GABRB1: variants seen among roughly 807,000 people sequenced by gnomAD.
GABRB1 encodes gamma-aminobutyric acid receptor subunit beta-1.
In GABRB1, 17 loss-of-function variants were observed where a neutral mutation model predicts 51.6. The ratio of observed to expected loss-of-function variants is 0.33; its 90% CI spans 0.23 to 0.49. GABRB1 has a LOEUF of 0.49. Among genes scored for constraint, GABRB1 ranks in the 20% least tolerant of loss-of-function variants. The pLI is 0.99. For missense variants in GABRB1, 410 were observed against 600.6 expected, an observed-to-expected ratio of 0.68 and a Z score of 3.32; for synonymous variants, 247 against 218.9, an observed-to-expected ratio of 1.13 and a Z score of -1.14.
chr4:47,140,093 AAC>A (rs67749563), intron 3 of GABRB1, among the ~76,000 whole-genome samples: 25,230 of 134,888 alleles, frequency 0.19, 2,339 homozygotes, highest in East Asian at 0.26. Context: ...AAATTAAATT[AAC>A]ACACACACAC....
At chr4:47,388,608 G>A (rs1171409681) in intron 5 of GABRB1, among the ~76,000 whole-genome samples, 2 of 152,158 alleles carry the variant, frequency 1.3e-5, no homozygotes, top group Non-Finnish European at 1.5e-5. Context: ...TCCATAACAA[G>A]GGCAGAATTA....
intron 4 of GABRB1, among the ~76,000 whole-genome samples, chr4:47,303,901 A>C (rs888923600): frequency 3.9e-5 from 6 of 152,058 alleles, no homozygotes; most frequent in Non-Finnish European, 8.8e-5. Context: ...CATATGAGTG[A>C]AATCATGTGG....
intron 5 of GABRB1, among the ~76,000 whole-genome samples, chr4:47,392,934 A>G (rs1231887172): frequency 6.6e-6 from 1 of 152,230 alleles, no homozygotes; most frequent in African/African-American, 2.4e-5. Context: ...TTTAGTATGT[A>G]TGCTAACCTC....
Position 47,243,345 on chromosome 4 carries a change from T to G in GABRB1, c.462-76782T>G, listed in dbSNP as rs563393973. Among the ~76,000 whole-genome samples the G allele has an allele frequency of 4.0e-4, 61 of 152,242 alleles. No individual in the cohort carries two copies. The South Asian group carries it at 8.1e-3, about 20-fold the overall frequency. On this transcript the variant is annotated intron_variant, in intron 4 of 8. Coordinates refer to ENST00000295454, the MANE Select transcript of GABRB1 (RefSeq NM_000812.4). ...TGATGCCTCCAGCTTTGTTCTTTTG[T>G]CTTAGGATTGACTTGGTGATGCGGG...
chr4:47,204,628 G>T (rs1720043670), intron 4 of GABRB1, among the ~76,000 whole-genome samples: 1 of 152,076 alleles, frequency 6.6e-6, no homozygotes, highest in African/African-American at 2.4e-5. Context: ...TGAATTATGG[G>T]GGTGGGTCTT....
chr4:47,387,703 C>A (rs1192813370), intron 5 of GABRB1, among the ~76,000 whole-genome samples: 3 of 152,110 alleles, frequency 2.0e-5, no homozygotes, highest in African/African-American at 4.8e-5. Context: ...ATGACTTGGG[C>A]AGGCATGGGG....
chr4:47,219,432 A>C (rs541612568), intron 4 of GABRB1, among the ~76,000 whole-genome samples: 1 of 151,910 alleles, frequency 6.6e-6, no homozygotes, highest in South Asian at 2.1e-4. Context: ...AAAATAAAAT[A>C]ATTGTGTTAT....
chr4:47,214,719 T>G (rs993105811), intron 4 of GABRB1, among the ~76,000 whole-genome samples: 2 of 152,152 alleles, frequency 1.3e-5, no homozygotes, highest in African/African-American at 4.8e-5. Flanking sequence ...CAACTTCAAG[T>G]TCAGCCACAT....
intron 3 of GABRB1, among the ~76,000 whole-genome samples, chr4:47,049,552 C>T (rs530995382): frequency 9.9e-5 from 15 of 152,166 alleles, no homozygotes; most frequent in Non-Finnish European, 1.9e-4. Context: ...AGGGAAATTA[C>T]ATTATGAAAT....
chr4:47,015,594 G>A (rs1048752060), intron 1 of GABRB1, among the ~76,000 whole-genome samples: 2 of 152,026 alleles, frequency 1.3e-5, no homozygotes, highest in Non-Finnish European at 2.9e-5. Context: ...TCAGCATAAA[G>A]GCTTCCTTTA....
chr4:47,366,630 T>A (rs372449929), intron 5 of GABRB1, among the ~76,000 whole-genome samples: 32 of 149,318 alleles, frequency 2.1e-4, no homozygotes, highest in South Asian at 1.9e-3. Context: ...GATGGGAAAA[T>A]AAAAAAAAAA....
At chr4:47,089,571 T>G (rs927165431) in intron 3 of GABRB1, among the ~76,000 whole-genome samples, 1 of 152,138 alleles carries the variant, frequency 6.6e-6, no homozygotes, top group African/African-American at 2.4e-5. Flanking sequence ...AAAACCACAT[T>G]AGGAGGATTT....
intron 3 of GABRB1, among the ~76,000 whole-genome samples, chr4:47,074,697 A>C (rs928936672): frequency 6.6e-6 from 1 of 152,156 alleles, no homozygotes; most frequent in Non-Finnish European, 1.5e-5. Flanking sequence ...CACAGAGAAG[A>C]CTTCAGAAGA....
intron 4 of GABRB1, among the ~76,000 whole-genome samples, chr4:47,176,538 T>G (rs769309187): frequency 1.3e-5 from 2 of 152,126 alleles, no homozygotes; most frequent in African/African-American, 4.8e-5. Flanking sequence ...TTGAAATGCC[T>G]GTAGACGTGT....
chr4:47,267,763 C>T (rs972003856), intron 4 of GABRB1, among the ~76,000 whole-genome samples: 1 of 151,854 alleles, frequency 6.6e-6, no homozygotes, highest in East Asian at 1.9e-4. Flanking sequence ...CCATTGCACT[C>T]CAGCCTGGGT....
At chr4:47,019,721 C>G (rs1410890252) in intron 1 of GABRB1, among the ~76,000 whole-genome samples, 1 of 144,470 alleles carries the variant, frequency 6.9e-6, no homozygotes, top group Non-Finnish European at 1.5e-5. Flanking sequence ...TTTCCTTCTT[C>G]TTTCCTTCTT....
intron 4 of GABRB1, among the ~76,000 whole-genome samples, chr4:47,195,192 C>T (rs1719597591): frequency 6.6e-6 from 1 of 152,062 alleles, no homozygotes; most frequent in Non-Finnish European, 1.5e-5. Flanking sequence ...CAGTGAAACC[C>T]CGTCTCTACT....
chr4:47,098,199 A>G (rs1053519574), intron 3 of GABRB1, among the ~76,000 whole-genome samples: 18 of 150,984 alleles, frequency 1.2e-4, no homozygotes, highest in African/African-American at 3.9e-4. Flanking sequence ...CATGTTTTTC[A>G]GTCAAATTTC....
At chr4:47,081,876 T>C (rs1259963865) in intron 3 of GABRB1, among the ~76,000 whole-genome samples, 1 of 152,142 alleles carries the variant, frequency 6.6e-6, no homozygotes, top group Non-Finnish European at 1.5e-5. Context: ...CTTGGTATTC[T>C]ATCATTTGTA....
Sources: gnomAD v4.1 joint callset for allele counts (sites outside exome capture counted in the v4.1 genomes callset) on GRCh38, gnomAD v4.1.1 for gene constraint, MANE v1.5 for transcripts, NCBI Gene and HGNC (gene_info 2026-07-23, HGNC 2026-07-21) for gene names.